FSTL5: variants seen among roughly 807,000 people sequenced by gnomAD.
The protein encoded by FSTL5 is follistatin-related protein 5.
In FSTL5, 62 loss-of-function variants were observed where a neutral mutation model predicts 89.1. The observed-to-expected ratio is 0.70, with a 90% CI of 0.57 to 0.86. The LOEUF (loss-of-function observed/expected upper bound fraction) is 0.86. FSTL5 is among the 40% of genes least tolerant of loss of function. The probability of loss-of-function intolerance (pLI) is 0.00; values close to 1 mark genes in which losing one functional copy is unlikely to be tolerated. For missense variants in FSTL5, 1,057 were observed against 1,001.6 expected (o/e 1.06, Z -0.75); for synonymous variants, 383 against 346.2 (o/e 1.11, Z -1.18).
intron 3 of FSTL5, among the ~76,000 whole-genome samples, chr4:161,946,078 T>G (rs1052255601): frequency 1.3e-5 from 2 of 152,200 alleles, no homozygotes; most frequent in Non-Finnish European, 2.9e-5. Context: ...TTGTCTATGA[T>G]TTCTTTATTG....
chr4:161,900,277 T>C (rs991835077), intron 4 of FSTL5, among the ~76,000 whole-genome samples: 2 of 151,990 alleles, frequency 1.3e-5, no homozygotes, highest in African/African-American at 4.8e-5. Context: ...AAGACACCAC[T>C]GGAGCAGAAA....
rs150666533 is a variant in FSTL5, at chr4:161,658,347, T to C, written c.728-1853A>G. ...TGTGGCTCACGCCTGTAGTCCCTGC[T>C]ACTCAGGAGGCTGAGGCAGGAGAAT... On this transcript the variant is annotated intron_variant, in intron 6 of 15. Coordinates refer to ENST00000306100, the MANE Select transcript of FSTL5 (RefSeq NM_020116.5). 1.7e-3 allele frequency among the ~76,000 whole-genome samples: 263 copies of C among 151,900 alleles called. 4 individuals are homozygous for C. Among genetic ancestry groups the C allele is most frequent in the Middle Eastern group, 3.4e-3 (1 of 294 alleles).
chr4:161,877,996 C>CTT (rs59468549), intron 4 of FSTL5, among the ~76,000 whole-genome samples: 32 of 151,008 alleles, frequency 2.1e-4, no homozygotes, highest in South Asian at 4.2e-4. Flanking sequence ...TATTAAAAAT[C>CTT]TTTTTTTTAC....
chr4:161,693,017 C>A (rs560406878), intron 6 of FSTL5, among the ~76,000 whole-genome samples: 1 of 152,236 alleles, frequency 6.6e-6, no homozygotes, highest in South Asian at 2.1e-4. Context: ...CCACTACGCC[C>A]AGCCACTTGT....
intron 13 of FSTL5, among the ~76,000 whole-genome samples, chr4:161,464,497 T>C (rs749086113): frequency 2.0e-5 from 3 of 152,142 alleles, no homozygotes; most frequent in Non-Finnish European, 4.4e-5. Context: ...TGCTCCGCAG[T>C]TTTACATTTT....
At chr4:161,642,321 A>C (rs1735992926) in intron 7 of FSTL5, among the ~76,000 whole-genome samples, 1 of 152,194 alleles carries the variant, frequency 6.6e-6, no homozygotes, top group Non-Finnish European at 1.5e-5. Flanking sequence ...TATCTTGCCT[A>C]AGTAAAATTT....
chr4:161,649,126 A>C (rs1736249746), intron 7 of FSTL5, among the ~76,000 whole-genome samples: 1 of 152,178 alleles, frequency 6.6e-6, no homozygotes, highest in African/African-American at 2.4e-5. Context: ...GAACACCTGA[A>C]CCAGATGTTC....
intron 4 of FSTL5, among the ~76,000 whole-genome samples, chr4:161,867,185 T>C (rs942288878): frequency 5.3e-5 from 8 of 152,046 alleles, no homozygotes; most frequent in African/African-American, 1.9e-4. Flanking sequence ...TTCATACACA[T>C]ATATATTGCA....
chr4:161,998,389 G>A (rs1260916840), intron 3 of FSTL5, among the ~76,000 whole-genome samples: 1 of 152,090 alleles, frequency 6.6e-6, no homozygotes, highest in Non-Finnish European at 1.5e-5. Flanking sequence ...CTGTGGGAAG[G>A]TAAGAGCCTA....
intron 10 of FSTL5, among the ~76,000 whole-genome samples, chr4:161,527,893 C>A (rs1041554710): frequency 6.6e-6 from 1 of 150,404 alleles, no homozygotes; most frequent in East Asian, 2.0e-4. Flanking sequence ...TTGGAACCAA[C>A]CCAAATGTCC....
chr4:161,652,603 T>TATAC (rs1736378942), intron 7 of FSTL5, among the ~76,000 whole-genome samples: 1 of 151,990 alleles, frequency 6.6e-6, no homozygotes, highest in Non-Finnish European at 1.5e-5. Flanking sequence ...ATGAAAAGAG[T>TATAC]ACATGTATAC....
rs1733532291 is a variant in FSTL5, at chr4:161,906,483, A to G, written c.409+13921T>C. Among the ~76,000 whole-genome samples the G allele has an allele frequency of 2.0e-5, 3 of 152,148 alleles. No homozygotes were observed. The South Asian group carries it at 6.2e-4, about 31-fold the overall frequency. On this transcript the variant is annotated intron_variant, in intron 4 of 15. Coordinates refer to ENST00000306100, the MANE Select transcript of FSTL5 (RefSeq NM_020116.5). Reference sequence around the variant, plus strand: ...TTGAGTCTTGAATTTTTCTTAAAAAAAAGGAGTCAGTAGATTTGGCTATAA... The same window carrying G: ...TTGAGTCTTGAATTTTTCTTAAAAAGAAGGAGTCAGTAGATTTGGCTATAA...
At chr4:162,129,784 A>C (rs1331168492) in intron 1 of FSTL5, among the ~76,000 whole-genome samples, 1 of 152,232 alleles carries the variant, frequency 6.6e-6, no homozygotes, top group African/African-American at 2.4e-5. Context: ...TTAAATAAGT[A>C]ATCAGAACAG....
intron 15 of FSTL5, among the ~76,000 whole-genome samples, chr4:161,422,338 T>A (rs1578961101): frequency 6.6e-6 from 1 of 152,106 alleles, no homozygotes; most frequent in Admixed American, 6.5e-5. Context: ...GTTAAAAAAA[T>A]GTCTTTCGAT....
At chr4:161,542,769 A>C in intron 8 of FSTL5, 76 bp from the exon 9 acceptor site, 1 of 800,432 alleles carries the variant, frequency 1.2e-6, no homozygotes, top group Non-Finnish European at 1.8e-6. Flanking sequence ...AAAAATTGCA[A>C]TAAGATAAAT....
chr4:161,521,951 T>C (rs1731049579), intron 10 of FSTL5, among the ~76,000 whole-genome samples: 1 of 152,074 alleles, frequency 6.6e-6, no homozygotes, highest in Non-Finnish European at 1.5e-5. Flanking sequence ...GAAACATTAT[T>C]GCTCCTACTA....
rs538145197 is a variant in FSTL5 at position 161,888,769 on chromosome 4, A to T, written c.409+31635T>A. Among the ~76,000 whole-genome samples, 18 of 152,206 alleles carry T rather than the reference A, an allele frequency of 1.2e-4. No homozygotes were observed. In the South Asian group the frequency reaches 3.3e-3, roughly 28 times the overall value. The stretch of plus-strand genomic sequence containing the variant: ...TTCCTCATTTAATTACTTTAACCAA[A>T]TAATAATACCCAAAATATCATGACA... On this transcript the variant is annotated intron_variant, in intron 4 of 15. Transcript: ENST00000306100.
intron 3 of FSTL5, among the ~76,000 whole-genome samples, chr4:161,947,069 A>G (rs1416994741): frequency 1.3e-5 from 2 of 151,774 alleles, no homozygotes; most frequent in Non-Finnish European, 2.9e-5. Context: ...ATTGGGTCTG[A>G]TATCATTTTA....
chr4:161,498,728 G>A (rs1253796683), intron 12 of FSTL5, among the ~76,000 whole-genome samples: 2 of 152,054 alleles, frequency 1.3e-5, no homozygotes, highest in African/African-American at 2.4e-5. Flanking sequence ...ACCTATATCT[G>A]CATGTTAGTC....
Sources: allele counts gnomAD v4.1 joint callset (sites outside exome capture counted in the v4.1 genomes callset), GRCh38; gene constraint gnomAD v4.1.1; transcripts MANE v1.5; gene names NCBI Gene and HGNC (gene_info 2026-07-23, HGNC 2026-07-21).